DCHS2: variants seen among roughly 807,000 people sequenced by gnomAD.
DCHS2 encodes protocadherin-23.
A neutral mutation model predicts 182.4 loss-of-function variants in DCHS2; 142 were observed. The ratio of observed to expected loss-of-function variants is 0.78; its 90% CI spans 0.68 to 0.89. DCHS2 has a LOEUF of 0.89. DCHS2 is among the 40% of genes least tolerant of loss of function. The pLI is 0.00. For missense variants in DCHS2, 4,319 were observed against 4,198.6 expected (o/e 1.03, Z -0.79); for synonymous variants, 1,740 against 1,663.3 (o/e 1.05, Z -1.12).
intron 2 of DCHS2, chr4:154,373,878 G>A: frequency 6.5e-7 from 1 of 1,527,946 alleles, no homozygotes. Flanking sequence ...CCAGGCACCA[G>A]ATGTTAAAAG....
At chr4:154,368,485 T>C (rs1730495259) in intron 2 of DCHS2, among the ~76,000 whole-genome samples, 1 of 151,640 alleles carries the variant, frequency 6.6e-6, no homozygotes, top group Non-Finnish European at 1.5e-5. Context: ...AATAAGCAAA[T>C]GTTAGATGCA....
rs2111098140 is a variant in DCHS2, at chr4:154,239,318, A to G, written c.7360-16T>C. 1 of 1,611,546 alleles carries G rather than the reference A, an allele frequency of 6.2e-7. No individual in the cohort carries two copies. On this transcript the variant is annotated splice_polypyrimidine_tract_variant and intron_variant, in intron 18 of 19. Coordinates refer to ENST00000357232, the MANE Select transcript of DCHS2 (RefSeq NM_001358235.2). ...GAACTGTGACCTGAGGGAAAAAGAG[A>G]AAAATAGGGACATTGTGCTTAAAGG...
intron 1 of DCHS2, among the ~76,000 whole-genome samples, chr4:154,452,943 C>G (rs954243093): frequency 6.6e-6 from 1 of 152,142 alleles, no homozygotes; most frequent in African/African-American, 2.4e-5. Context: ...ACTTCGAGGA[C>G]TATGAAATGC....
chr4:154,323,333 C>CAAA, intron 7 of DCHS2: 3 of 1,485,068 alleles, frequency 2.0e-6, no homozygotes, highest in Admixed American at 4.8e-5. Flanking sequence ...GGTCTAGCTG[C>CAAA]CAAAAAAAAA....
At position 154,242,725 on chromosome 4, in the gene DCHS2, G is replaced by C; in HGVS notation, c.6989C>G (p.Thr2330Arg). Residue 2330 changes from threonine to arginine, a missense_variant, in exon 17 of 20, where the codon ACG becomes AGG. By Grantham distance (71) the Thr-to-Arg change is moderately conservative. Coordinates refer to ENST00000357232, the MANE Select transcript of DCHS2 (RefSeq NM_001358235.2). The stretch of plus-strand genomic sequence containing the variant: ...AGTCACCTGTACCTTGATTACAGTC[G>C]TATTAGAAAGCCTGGGCATCCCTTT... ...TDKGMPRLSN[T>R]TVIKVQVTDI... 6.2e-7 allele frequency: 1 copy of C among 1,612,768 alleles called. No individual in the cohort carries two copies. Among genetic ancestry groups the C allele is most frequent in the South Asian group, 1.1e-5 (1 of 90,966 alleles).
intron 1 of DCHS2, among the ~76,000 whole-genome samples, chr4:154,427,715 A>G (rs1343698620): frequency 2.0e-5 from 3 of 152,214 alleles, no homozygotes; most frequent in Non-Finnish European, 2.9e-5. Flanking sequence ...CAGAGGTGAT[A>G]GTGTCCTGAT....
chr4:154,409,803 G>A, intron 1 of DCHS2, among the ~76,000 whole-genome samples: 1 of 152,218 alleles, frequency 6.6e-6, no homozygotes, highest in East Asian at 1.9e-4. Context: ...AAGAAGAAAA[G>A]GTCCCAAAAG....
chr4:154,238,744 A>AT (rs892413462), intron 19 of DCHS2, among the ~76,000 whole-genome samples: 6 of 152,032 alleles, frequency 3.9e-5, no homozygotes, highest in Non-Finnish European at 5.9e-5. Flanking sequence ...GCTATTACTG[A>AT]TTTTTTTTAA....
chr4:154,284,124 A>G (rs946233571), intron 13 of DCHS2, among the ~76,000 whole-genome samples: 1 of 152,224 alleles, frequency 6.6e-6, no homozygotes, highest in Admixed American at 6.5e-5. Context: ...TAGTTGCCAA[A>G]TAATAAAAAC....
chr4:154,382,784 A>G (rs1731230669), intron 1 of DCHS2, among the ~76,000 whole-genome samples: 1 of 152,202 alleles, frequency 6.6e-6, no homozygotes, highest in Admixed American at 6.5e-5. Flanking sequence ...ATGCAAATCA[A>G]TACCACAATG....
At chr4:154,292,558 C>A (rs1477742791) in intron 13 of DCHS2, among the ~76,000 whole-genome samples, 1 of 152,212 alleles carries the variant, frequency 6.6e-6, no homozygotes, top group East Asian at 1.9e-4. Flanking sequence ...ACTACTTCAA[C>A]AGAGCAAACT....
intron 1 of DCHS2, among the ~76,000 whole-genome samples, chr4:154,405,315 C>G (rs1443619845): frequency 6.6e-6 from 1 of 151,642 alleles, no homozygotes; most frequent in African/African-American, 2.4e-5. Flanking sequence ...GGTTTTTCAG[C>G]AGTTTGAGGA....
rs374468749 is a variant in DCHS2, at chr4:154,329,579, T to C, written c.3862A>G (p.Asn1288Asp). Residue 1288 changes from asparagine (N) to aspartate (D), a missense_variant, in exon 6 of 20, where the codon AAT (asparagine) becomes GAT (aspartate). By Grantham distance (23) the Asn-to-Asp change is conservative. Coordinates refer to ENST00000357232, the MANE Select transcript of DCHS2 (RefSeq NM_001358235.2). The stretch of plus-strand genomic sequence containing the variant: ...TGGGGGAAGAAGGGCCTGTTATCAT[T>C]GATGTCAGTAACTGAGACGTAAACC... ...MAVYVSVTDI[N>D]DNRPFFPQCL... 3.1e-6 allele frequency: 5 copies of C among 1,613,662 alleles called. No individual in the cohort carries two copies. The highest frequency in any genetic ancestry group is 4.2e-6 in the Non-Finnish European group (5 of 1,179,930).
intron 7 of DCHS2, among the ~76,000 whole-genome samples, chr4:154,326,122 G>T (rs1736272238): frequency 6.6e-6 from 1 of 152,202 alleles, no homozygotes; most frequent in African/African-American, 2.4e-5. Context: ...AAGTAGAACT[G>T]CAAGGGTATA....
In DCHS2 at chr4:154,236,171, A is replaced by T. The variant is rs1477091503; in HGVS notation, c.8481T>A (p.Ile2827=). The change falls in exon 20 of 20, where the codon ATT becomes ATA. Residue 2827 remains isoleucine (I), a synonymous_variant. Coordinates refer to ENST00000357232, the MANE Select transcript of DCHS2 (RefSeq NM_001358235.2). ...CATGAATATCCCCTGTCAAAGGGTC[A>T]ATGAGGAAGAGATCATGATCATAAG... ...GMSYDHDLFL[I]DPLTGDIHAK... is the part of the protein sequence containing the mutation. The T allele has an allele frequency of 6.2e-7, 1 of 1,613,888 alleles. No homozygotes were observed. Among genetic ancestry groups the T allele is most frequent in the Admixed American group, 1.7e-5 (1 of 60,006 alleles).
chr4:154,443,182 TCC>T, intron 1 of DCHS2, among the ~76,000 whole-genome samples: 1 of 152,052 alleles, frequency 6.6e-6, no homozygotes, highest in Non-Finnish European at 1.5e-5. Flanking sequence ...CTTCCATCGC[TCC>T]TAAGTTAGTT....
Position 154,366,303 on chromosome 4 carries a change from C to A in DCHS2, c.2383G>T (p.Ala795Ser), listed in dbSNP as rs993818259. 1 of 1,613,814 alleles carries A rather than the reference C, an allele frequency of 6.2e-7. No individual in the cohort carries two copies. The highest frequency in any genetic ancestry group is 8.5e-7 in the Non-Finnish European group (1 of 1,179,924). Residue 795 changes from alanine to serine, a missense_variant, in exon 3 of 20, where the codon GCC becomes TCC. Ala to Ser is a moderately conservative substitution (Grantham distance 99). Transcript: ENST00000357232. ...TATATCCCAGAGTCCTGGTCAGTGG[C>A]AAGAACATTGATGATCTCGGTGCCT... ...QPGTEIINVL[A>S]TDQDSGIYGT...
At chr4:154,431,517 T>C (rs907071757) in intron 1 of DCHS2, among the ~76,000 whole-genome samples, 46 of 152,272 alleles carry the variant, frequency 3.0e-4, no homozygotes, top group African/African-American at 9.4e-4. Flanking sequence ...CTTATATTAT[T>C]GTATATAGGA....
intron 3 of DCHS2, among the ~76,000 whole-genome samples, chr4:154,338,229 G>A (rs369573061): frequency 6.6e-6 from 1 of 152,042 alleles, no homozygotes; most frequent in African/African-American, 2.4e-5. Flanking sequence ...TTACTCATTA[G>A]TTTACTGAAT....
Sources: gnomAD v4.1 joint callset for allele counts (sites outside exome capture counted in the v4.1 genomes callset) on GRCh38, gnomAD v4.1.1 for gene constraint, MANE v1.5 for transcripts, NCBI Gene and HGNC (gene_info 2026-07-23, HGNC 2026-07-21) for gene names.